SLC30A7: variants seen among roughly 807,000 people sequenced by gnomAD.
The protein encoded by SLC30A7 is solute carrier family 30 member 7.
In SLC30A7, 35 loss-of-function variants were observed where a neutral mutation model predicts 46.0. The ratio of observed to expected loss-of-function variants is 0.76; its 90% confidence interval spans 0.58 to 1.01. The LOEUF (loss-of-function observed/expected upper bound fraction) is 1.01, where lower values mean the gene tolerates loss of function less well. Ranked by LOEUF, SLC30A7 falls within the 50% of genes least tolerant of loss-of-function variation. The pLI is 0.00. For synonymous variants in SLC30A7, 147 were observed against 157.8 expected (o/e 0.93, Z 0.51); for missense variants, 464 against 451.1 (o/e 1.03, Z -0.26).
At chr1:100,905,580 T>A (rs1489855867) in intron 2 of SLC30A7, among the ~76,000 whole-genome samples, 1 of 152,256 alleles carries the variant, frequency 6.6e-6, no homozygotes, top group South Asian at 2.1e-4. Context: ...GATGCTCTGC[T>A]TTTTTTGTTT....
At chr1:100,988,080 TC>T in the SLC30A7 span, among the ~76,000 whole-genome samples, 1 of 151,976 alleles carries the variant, frequency 6.6e-6, no homozygotes, top group Non-Finnish European at 1.5e-5. Flanking sequence ...CTTGGAGTCT[TC>T]CCGGGGCATG....
chr1:100,950,093 G>A (rs571716683), intron 8 of SLC30A7, among the ~76,000 whole-genome samples: 15 of 152,288 alleles, frequency 9.8e-5, no homozygotes, highest in African/African-American at 2.4e-4. Context: ...CGTCTTCTGC[G>A]TCGATCACGC....
intron 5 of SLC30A7, 99 bp downstream of exon 5, chr1:100,912,337 G>A (rs1181058976): frequency 7.6e-7 from 1 of 1,309,436 alleles, no homozygotes; most frequent in East Asian, 2.3e-5. Context: ...GATTTCTGAT[G>A]TCAACAGACT....
chr1:100,906,675 AG>A (rs937372665), intron 2 of SLC30A7, among the ~76,000 whole-genome samples, 176 bp from the exon 3 acceptor site: 1 of 152,104 alleles, frequency 6.6e-6, no homozygotes, highest in African/African-American at 2.4e-5. Context: ...AGGAGGTACG[AG>A]GGTTTACTTT....
In SLC30A7 at chr1:100,974,893, A is replaced by C. The variant is rs1368231311; in HGVS notation, c.*36A>C. 1.9e-6 allele frequency: 3 copies of C among 1,572,922 alleles called. No individual in the cohort carries two copies. The highest frequency in any genetic ancestry group is 1.4e-5 in the African/African-American group (1 of 73,888). ...GAAATTATGCACCTTTTATGGACCA[A>C]ATTTTTCTGGTACTGTACGATCCAA... On this transcript the variant is annotated 3_prime_UTR_variant, in exon 11 of 11. Transcript: ENST00000357650.
At chr1:100,991,632 C>CA in the SLC30A7 span, among the ~76,000 whole-genome samples, 5 of 151,398 alleles carry the variant, frequency 3.3e-5, no homozygotes, top group East Asian at 1.9e-4. Context: ...ACCAAAAATA[C>CA]AAAAAAATTA....
At chr1:100,932,054 G>A (rs1653691606) in intron 8 of SLC30A7, among the ~76,000 whole-genome samples, 1 of 152,112 alleles carries the variant, frequency 6.6e-6, no homozygotes. Context: ...TAAAATGAAG[G>A]GAGAAATTTA....
chr1:100,961,988 A>G, intron 9 of SLC30A7, 70 bp downstream of exon 9: 1 of 909,328 alleles, frequency 1.1e-6, no homozygotes, highest in South Asian at 1.6e-5. Flanking sequence ...AGCTTTCACA[A>G]ATATGGGTAA....
At chr1:100,936,987 T>G (rs1024944118) in intron 8 of SLC30A7, among the ~76,000 whole-genome samples, 2 of 152,220 alleles carry the variant, frequency 1.3e-5, no homozygotes, top group African/African-American at 2.4e-5. Context: ...ACACATAGAT[T>G]TAGTATATTT....
chr1:100,908,867 C>T (rs144176562), intron 3 of SLC30A7, among the ~76,000 whole-genome samples: 71 of 152,122 alleles, frequency 4.7e-4, no homozygotes, highest in African/African-American at 1.6e-3. Context: ...AGTTCTTTAA[C>T]GCTTAGATTT....
chr1:100,973,318 T>G (rs1358810914), intron 10 of SLC30A7, among the ~76,000 whole-genome samples: 1 of 152,174 alleles, frequency 6.6e-6, no homozygotes, highest in East Asian at 1.9e-4. Flanking sequence ...TTTTTCCTAT[T>G]AAATATTCCA....
intron 8 of SLC30A7, among the ~76,000 whole-genome samples, chr1:100,926,031 A>G (rs961256419): frequency 6.6e-6 from 1 of 152,128 alleles, no homozygotes; most frequent in Non-Finnish European, 1.5e-5. Context: ...GGGCCCTTTC[A>G]ATATAGTGCT....
At chr1:100,906,310 C>G (rs2101008678) in intron 2 of SLC30A7, among the ~76,000 whole-genome samples, 1 of 152,224 alleles carries the variant, frequency 6.6e-6, no homozygotes, top group East Asian at 1.9e-4. Flanking sequence ...GAGGGTGGGA[C>G]TAGGTTCTCT....
the SLC30A7 span, chr1:100,995,113 AT>A: frequency 6.4e-7 from 1 of 1,574,000 alleles, no homozygotes; most frequent in Non-Finnish European, 8.7e-7. Flanking sequence ...AACTTACTTG[AT>A]TAGATTTTCC....
chr1:100,921,667 C>A, intron 7 of SLC30A7, 39 bp from the exon 8 acceptor site: 1 of 1,543,454 alleles, frequency 6.5e-7, no homozygotes, highest in Non-Finnish European at 8.9e-7. Flanking sequence ...TTAAATTAAC[C>A]AAAAGACTGT....
At chr1:100,941,716 C>T in intron 8 of SLC30A7, 1 of 643,258 alleles carries the variant, frequency 1.6e-6, no homozygotes, top group Non-Finnish European at 2.9e-6. Flanking sequence ...CACAACTCTT[C>T]CATCCACCTT....
At position 100,907,870 on chromosome 1, in the gene SLC30A7, C is replaced by T. The variant is rs373787744; in HGVS notation, c.296+905C>T. On this transcript the variant is annotated intron_variant, in intron 3 of 10. Coordinates refer to ENST00000357650, the MANE Select transcript of SLC30A7 (RefSeq NM_133496.5). ...TCCTTCTCTTGTCTTTGCTTCTTGT[C>T]GCTTGGGCTTGTGCTCATGCTCTTT... Among the ~76,000 whole-genome samples, 4 of 152,092 alleles carry T rather than the reference C, an allele frequency of 2.6e-5. No individual in the cohort carries two copies. The East Asian group carries it at 5.8e-4, about 22-fold the overall frequency.
At chr1:100,981,968 T>C (rs1293018782), downstream of SLC30A7, among the ~76,000 whole-genome samples, 1 of 152,202 alleles carries the variant, frequency 6.6e-6, no homozygotes, top group Non-Finnish European at 1.5e-5. Flanking sequence ...TTAGTCAGCA[T>C]CTGACCTCAT....
At position 100,974,903 on chromosome 1, in the gene SLC30A7, G is replaced by A. The variant is rs1219788871; in HGVS notation, c.*46G>A. 6.6e-7 allele frequency: 1 copy of A among 1,506,454 alleles called. No homozygotes were observed. Among genetic ancestry groups the A allele is most frequent in the Admixed American group, 1.8e-5 (1 of 56,486 alleles). The allele number at this position is 1,506,454 out of a possible 1,614,324, so 93.3% of individuals were successfully genotyped here. On this transcript the variant is annotated 3_prime_UTR_variant, in exon 11 of 11. Coordinates refer to ENST00000357650, the MANE Select transcript of SLC30A7 (RefSeq NM_133496.5). ...ACCTTTTATGGACCAAATTTTTCTGGTACTGTACGATCCAAAACATTGTAC... is the reference window on the plus strand; with the variant it reads ...ACCTTTTATGGACCAAATTTTTCTGATACTGTACGATCCAAAACATTGTAC...
Sources: allele counts gnomAD v4.1 joint callset (sites outside exome capture counted in the v4.1 genomes callset), GRCh38; gene constraint gnomAD v4.1.1; transcripts MANE v1.5; gene names NCBI Gene and HGNC (gene_info 2026-07-23, HGNC 2026-07-21).